The following PDE11A variants were observed in gnomAD, a reference collection of about 807,000 sequenced individuals.
PDE11A encodes the protein dual 3',5'-cyclic-AMP and -GMP phosphodiesterase 11A.
A neutral mutation model predicts 100.5 loss-of-function variants in PDE11A; 100 were observed. The observed-to-expected ratio is 1.00, with a 90% CI of 0.85 to 1.18. The LOEUF (loss-of-function observed/expected upper bound fraction) is 1.18. Ranked by LOEUF, PDE11A falls within the 50% of genes most tolerant of loss-of-function variation. PDE11A has a pLI of 0.00. For synonymous variants in PDE11A, 381 were observed against 420.8 expected, an observed-to-expected ratio of 0.91 and a Z score of 1.16; for missense variants, 1,141 against 1,152.6, an observed-to-expected ratio of 0.99 and a Z score of 0.15.
At chr2:177,925,987 C>G (rs973375631) in intron 2 of PDE11A, among the ~76,000 whole-genome samples, 1 of 152,182 alleles carries the variant, frequency 6.6e-6, no homozygotes, top group African/African-American at 2.4e-5. Context: ...TCACAGTCAC[C>G]CAAATCTCCT....
chr2:178,042,853 C>T lies in PDE11A; in HGVS notation c.913-28393G>A, dbSNP rs371508532. On this transcript the variant is annotated intron_variant, in intron 1 of 19. Coordinates refer to ENST00000286063, the MANE Select transcript of PDE11A (RefSeq NM_016953.4). The stretch of plus-strand genomic sequence containing the variant: ...AAAACCCTACACTTAGGGGCAAGAG[C>T]GCTTAACCAAGGCATTGCTTATTGC... Among the ~76,000 whole-genome samples the T allele has an allele frequency of 7.9e-4, 120 of 152,196 alleles. 2 individuals carry two copies. Among genetic ancestry groups the T allele is most frequent in the African/African-American group, 2.6e-3 (107 of 41,538 alleles).
At chr2:178,029,449 T>C (rs2105839703) in intron 1 of PDE11A, among the ~76,000 whole-genome samples, 1 of 152,028 alleles carries the variant, frequency 6.6e-6, no homozygotes, top group Non-Finnish European at 1.5e-5. Context: ...AGAAAAATAA[T>C]GTCTAAATAT....
In PDE11A at chr2:177,874,656, G is replaced by A. The variant is rs150908646; in HGVS notation, c.1367+1203C>T. On this transcript the variant is annotated intron_variant, in intron 5 of 19. Coordinates refer to ENST00000286063, the MANE Select transcript of PDE11A (RefSeq NM_016953.4). ...AACTCTCTCAGTCTTTTTTCCAAGC[G>A]GATGTTATTGGCCAATTATGGACAA... Among the ~76,000 whole-genome samples the A allele has an allele frequency of 8.0e-3, 1,211 of 152,210 alleles. 19 individuals carry two copies. The highest frequency in any genetic ancestry group is 0.027 in the African/African-American group (1,122 of 41,538).
intron 19 of PDE11A, among the ~76,000 whole-genome samples, chr2:177,640,462 T>C (rs2080124581): frequency 6.6e-6 from 1 of 152,224 alleles, no homozygotes; most frequent in African/African-American, 2.4e-5. Flanking sequence ...TTCTCATGAA[T>C]TCGTGTGCCT....
intron 10 of PDE11A, among the ~76,000 whole-genome samples, chr2:177,735,010 C>T (rs533288416): frequency 9.2e-5 from 14 of 152,338 alleles, no homozygotes; most frequent in African/African-American, 1.9e-4. Context: ...TCTAACTGTA[C>T]GCCAGGCACT....
In PDE11A at chr2:177,717,662, C is replaced by A. The variant is rs148893653; in HGVS notation, c.2044-5784G>T. Among the ~76,000 whole-genome samples, 51 of 152,166 alleles carry A rather than the reference C, an allele frequency of 3.4e-4. 1 individual carries two copies. In the East Asian group the frequency reaches 6.7e-3, roughly 20 times the overall value. On this transcript the variant is annotated intron_variant, in intron 12 of 19. Coordinates refer to ENST00000286063, the MANE Select transcript of PDE11A (RefSeq NM_016953.4). Reference sequence around the variant, plus strand: ...GCATATAAACCTATTTCCCATGTCACCCCCTCCAGCAAAGCCTTTCACCTG... The same window carrying A: ...GCATATAAACCTATTTCCCATGTCAACCCCTCCAGCAAAGCCTTTCACCTG...
At chr2:178,108,000 G>A (rs1438114610) in intron 1 of PDE11A, among the ~76,000 whole-genome samples, 1 of 152,164 alleles carries the variant, frequency 6.6e-6, no homozygotes, top group Admixed American at 6.5e-5. Flanking sequence ...GATTAGAGGC[G>A]TAAGCCACCA....
intron 2 of PDE11A, among the ~76,000 whole-genome samples, chr2:177,989,976 G>A (rs2085983454): frequency 6.6e-6 from 1 of 152,238 alleles, no homozygotes; most frequent in Non-Finnish European, 1.5e-5. Flanking sequence ...AATGAAGGGA[G>A]AGAAGGGGGA....
chr2:177,764,911 T>C (rs920251476), intron 10 of PDE11A, among the ~76,000 whole-genome samples: 1 of 152,236 alleles, frequency 6.6e-6, no homozygotes, highest in Non-Finnish European at 1.5e-5. Flanking sequence ...TGTGATCTTT[T>C]TGTGTATAGG....
chr2:177,839,067 CTACAGGGAGGTGG>C (rs2083447529), intron 6 of PDE11A, among the ~76,000 whole-genome samples: 1 of 152,126 alleles, frequency 6.6e-6, no homozygotes, highest in Admixed American at 6.5e-5. Context: ...TTCTAGGCAG[CTACAGGGAGGTGG>C]TAAGTTTGGG....
intron 9 of PDE11A, among the ~76,000 whole-genome samples, chr2:177,796,289 C>T (rs879910441): frequency 2.6e-5 from 4 of 151,928 alleles, no homozygotes; most frequent in Admixed American, 6.6e-5. Context: ...CATGGATTTC[C>T]GGGACGATGT....
intron 1 of PDE11A, among the ~76,000 whole-genome samples, chr2:178,104,856 G>C (rs2087600034): frequency 6.6e-6 from 1 of 151,954 alleles, no homozygotes; most frequent in South Asian, 2.1e-4. Flanking sequence ...AAAACATATA[G>C]GTCTAATTTT....
At chr2:177,839,314 A>T (rs2083450977) in intron 6 of PDE11A, among the ~76,000 whole-genome samples, 1 of 152,196 alleles carries the variant, frequency 6.6e-6, no homozygotes, top group Admixed American at 6.5e-5. Context: ...TAAAATGGGA[A>T]TGATGACATC....
At chr2:177,709,638 G>A (rs758247079) in intron 13 of PDE11A, among the ~76,000 whole-genome samples, 4 of 152,212 alleles carry the variant, frequency 2.6e-5, no homozygotes, top group Non-Finnish European at 5.9e-5. Flanking sequence ...ATCGTGAAGA[G>A]TGAGAGAGGA....
At chr2:177,972,966 G>C (rs541141692) in intron 2 of PDE11A, among the ~76,000 whole-genome samples, 73 of 152,316 alleles carry the variant, frequency 4.8e-4, no homozygotes, top group African/African-American at 1.7e-3. Context: ...ATGAGATAGG[G>C]CCAGAGTGGA....
chr2:177,942,166 C>G (rs151086187), intron 2 of PDE11A, among the ~76,000 whole-genome samples: 27 of 152,290 alleles, frequency 1.8e-4, no homozygotes, highest in African/African-American at 5.5e-4. Flanking sequence ...AGGTTGGGAC[C>G]CTGGCTTCAT....
At chr2:177,744,822 G>A (rs1389445882) in intron 10 of PDE11A, among the ~76,000 whole-genome samples, 2 of 152,148 alleles carry the variant, frequency 1.3e-5, no homozygotes, top group East Asian at 3.9e-4. Context: ...GCACATGCAC[G>A]GAGCAGAAAC....
intron 3 of PDE11A, among the ~76,000 whole-genome samples, chr2:177,904,729 T>G (rs1232949164): frequency 6.6e-6 from 1 of 152,052 alleles, no homozygotes; most frequent in Non-Finnish European, 1.5e-5. Context: ...AATTTTTGTA[T>G]TTTTAGTAGC....
At chr2:177,657,738 T>C (rs2080411472) in intron 19 of PDE11A, among the ~76,000 whole-genome samples, 2 of 151,688 alleles carry the variant, frequency 1.3e-5, no homozygotes, top group Admixed American at 1.3e-4. Flanking sequence ...TCCTTGGGGG[T>C]CAAACCTTTA....
Sources: gnomAD v4.1 joint callset for allele counts (sites outside exome capture counted in the v4.1 genomes callset) on GRCh38, gnomAD v4.1.1 for gene constraint, MANE v1.5 for transcripts, NCBI Gene and HGNC (gene_info 2026-07-23, HGNC 2026-07-21) for gene names.